WWC2: variants seen among roughly 807,000 people sequenced by gnomAD.
WWC2 encodes the protein protein WWC2.
In WWC2, 101 loss-of-function variants were observed where a neutral mutation model predicts 138.5. The observed-to-expected ratio is 0.73, with a 90% CI of 0.62 to 0.86. WWC2 has a LOEUF of 0.86. WWC2 is among the 40% of genes least tolerant of loss of function. The probability of loss-of-function intolerance (pLI) is 0.00; values close to 1 mark genes in which losing one functional copy is unlikely to be tolerated. For missense variants in WWC2, 1,420 were observed against 1,419.4 expected (o/e 1.00, Z -0.01); for synonymous variants, 558 against 538.4 (o/e 1.04, Z -0.50).
intron 14 of WWC2, among the ~76,000 whole-genome samples, chr4:183,268,560 A>G (rs1405307571): frequency 6.6e-6 from 1 of 152,154 alleles, no homozygotes; most frequent in Non-Finnish European, 1.5e-5. Context: ...AATACTCAGG[A>G]TGAGGATTCT....
chr4:183,126,745 A>T (rs937019969), intron 1 of WWC2, among the ~76,000 whole-genome samples: 1 of 151,386 alleles, frequency 6.6e-6, no homozygotes, highest in Non-Finnish European at 1.5e-5. Context: ...ATTTTATTTT[A>T]TTTATTTATT....
intron 17 of WWC2, among the ~76,000 whole-genome samples, chr4:183,281,609 G>A (rs11724345): frequency 0.08 from 12,123 of 152,140 alleles, 689 homozygotes; most frequent in Non-Finnish European, 0.12. Context: ...TACATATATA[G>A]CATGCATTTG....
At position 183,190,988 on chromosome 4, in the gene WWC2, T is replaced by C. The variant is rs76092284; in HGVS notation, c.132-2611T>C. Among the ~76,000 whole-genome samples the C allele has an allele frequency of 6.6e-3, 1,010 of 152,322 alleles. 17 individuals are homozygous for C. The highest frequency in any genetic ancestry group is 0.023 in the African/African-American group (952 of 41,568). The stretch of plus-strand genomic sequence containing the variant: ...CACTTAAACTTACCGTTCTCGTGTT[T>C]TCTCCTTCTTCATTTCTTTAGGATG... On this transcript the variant is annotated intron_variant, in intron 1 of 22. Transcript: ENST00000403733.
At chr4:183,259,857 G>T (rs1737269901) in intron 10 of WWC2, 129 bp downstream of exon 10, 3 of 716,980 alleles carry the variant, frequency 4.2e-6, no homozygotes, top group Admixed American at 3.1e-5. Flanking sequence ...GTTACTGTTT[G>T]AGTGATCAGA....
chr4:183,187,554 A>AAATAATTAATAATAAT (rs1734844658), intron 1 of WWC2, among the ~76,000 whole-genome samples: 2 of 127,634 alleles, frequency 1.6e-5, no homozygotes, highest in East Asian at 4.6e-4. Context: ...CTCCGTCTCA[A>AAATAATTAATAATAAT]AATAATAATA....
At chr4:183,160,843 T>A (rs1733942422) in intron 1 of WWC2, among the ~76,000 whole-genome samples, 1 of 152,084 alleles carries the variant, frequency 6.6e-6, no homozygotes, top group African/African-American at 2.4e-5. Flanking sequence ...AGGTGGGTGA[T>A]GATAATGATC....
chr4:183,153,147 C>G (rs1733694502), intron 1 of WWC2, among the ~76,000 whole-genome samples: 1 of 152,166 alleles, frequency 6.6e-6, no homozygotes, highest in African/African-American at 2.4e-5. Context: ...TCAAGCTATC[C>G]TCCTGCGTTG....
chr4:183,102,868 C>CTTT (rs779381709), intron 1 of WWC2, among the ~76,000 whole-genome samples: 1 of 118,820 alleles, frequency 8.4e-6, no homozygotes. Context: ...TGGCCTGGTG[C>CTTT]TTTTTTTTTT....
intron 1 of WWC2, among the ~76,000 whole-genome samples, chr4:183,176,489 C>G (rs1290825005): frequency 6.6e-6 from 1 of 152,102 alleles, no homozygotes; most frequent in African/African-American, 2.4e-5. Context: ...GTGGCACAAT[C>G]TCGGCTCACT....
At chr4:183,204,964 T>G (rs1735404831) in intron 2 of WWC2, among the ~76,000 whole-genome samples, 1 of 152,250 alleles carries the variant, frequency 6.6e-6, no homozygotes, top group South Asian at 2.1e-4. Context: ...CTGAGTAGTA[T>G]TTTATTGTAT....
chr4:183,113,796 T>A (rs1201183898), intron 1 of WWC2, among the ~76,000 whole-genome samples: 1 of 151,318 alleles, frequency 6.6e-6, no homozygotes, highest in Non-Finnish European at 1.5e-5. Flanking sequence ...TGAGATAATC[T>A]GGATGAGAAA....
rs1267117523 is a variant in WWC2 at position 183,319,097 on chromosome 4, TGAAGCTTCTAAAGAGC to T, written c.*3369_*3384del. The T allele has an allele frequency of 1.3e-5, 2 of 158,764 alleles. No homozygotes were observed. Among genetic ancestry groups the T allele is most frequent in the East Asian group, 3.8e-4 (2 of 5,332 alleles). 9.8% of individuals were successfully genotyped at this position (158,764 alleles called of 1,614,324 possible). A position where few individuals can be genotyped will look rare whatever the true frequency, so the allele number is the denominator to read the frequency against. The stretch of plus-strand genomic sequence containing the variant: ...ATGATGTGTCTACACCTTTCACCTC[TGAAGCTTCTAAAGAGC>T]TAGTAATTATTTTATATAATAAGAC... On this transcript the variant is annotated 3_prime_UTR_variant, in exon 23 of 23. Transcript: ENST00000403733.
At chr4:183,177,104 AG>A (rs922444364) in intron 1 of WWC2, among the ~76,000 whole-genome samples, 4 of 152,172 alleles carry the variant, frequency 2.6e-5, no homozygotes, top group African/African-American at 9.7e-5. Flanking sequence ...AGAGCAATAA[AG>A]GAGATAAATT....
At chr4:183,112,423 C>T (rs1329329380) in intron 1 of WWC2, among the ~76,000 whole-genome samples, 1 of 152,220 alleles carries the variant, frequency 6.6e-6, no homozygotes, top group Non-Finnish European at 1.5e-5. Context: ...CGGCGGAGGC[C>T]TGTACCCATA....
intron 1 of WWC2, among the ~76,000 whole-genome samples, chr4:183,157,492 C>G (rs1001299547): frequency 2.6e-5 from 4 of 152,054 alleles, no homozygotes; most frequent in African/African-American, 9.7e-5. Context: ...TTGTGTGTCA[C>G]TCAATTTTTT....
chr4:183,250,969 T>C (rs1185427173), intron 8 of WWC2, among the ~76,000 whole-genome samples: 2 of 152,186 alleles, frequency 1.3e-5, no homozygotes. Context: ...AATATTCACC[T>C]CTATGTAACC....
At chr4:183,235,704 CA>C (rs1486586951) in intron 4 of WWC2, among the ~76,000 whole-genome samples, 1 of 152,178 alleles carries the variant, frequency 6.6e-6, no homozygotes, top group African/African-American at 2.4e-5. Context: ...ATTGTATATA[CA>C]CACTATGTTG....
intron 1 of WWC2, among the ~76,000 whole-genome samples, chr4:183,112,217 G>A (rs746658293): frequency 6.0e-5 from 9 of 151,034 alleles, no homozygotes; most frequent in Non-Finnish European, 8.8e-5. Context: ...TACCCCTGAA[G>A]GTATGCCTGT....
At position 183,316,405 on chromosome 4, in the gene WWC2, G is replaced by A. The variant is rs1357618033; in HGVS notation, c.*676G>A. On this transcript the variant is annotated 3_prime_UTR_variant, in exon 23 of 23. Transcript: ENST00000403733. ...AAGAATACAAAGGAGCACTACTCTT[G>A]GCTACACGAAAGATCTTGGGATTCA... The A allele has an allele frequency of 2.0e-5, 3 of 152,184 alleles. No homozygotes were observed. Among genetic ancestry groups the A allele is most frequent in the Non-Finnish European group, 2.9e-5 (2 of 68,052 alleles). The allele number at this position is 152,184 out of a possible 1,614,324, so 9.4% of individuals were successfully genotyped here.
Sources: allele counts gnomAD v4.1 joint callset (sites outside exome capture counted in the v4.1 genomes callset), GRCh38; gene constraint gnomAD v4.1.1; transcripts MANE v1.5; gene names NCBI Gene and HGNC (gene_info 2026-07-23, HGNC 2026-07-21).